The following RGL3 variants were observed in gnomAD, a reference collection of about 807,000 sequenced individuals.
The protein encoded by RGL3 is ral guanine nucleotide dissociation stimulator like 3.
A neutral mutation model predicts 90.6 loss-of-function variants in RGL3; 85 were observed. The ratio of observed to expected loss-of-function variants is 0.94; its 90% CI spans 0.79 to 1.12. RGL3 has a LOEUF of 1.12. RGL3 is among the 50% of genes most tolerant of loss of function. RGL3 has a pLI of 0.00. For synonymous variants in RGL3, 408 were observed against 385.5 expected, an observed-to-expected ratio of 1.06 and a Z score of -0.68; for missense variants, 1,034 against 939.2, an observed-to-expected ratio of 1.10 and a Z score of -1.32.
rs531725316 is a variant in RGL3, at chr19:11,405,703, T to C, written c.997-277A>G. ...ATGCATGGCTTATTATTATTATTATTATTAATTATTTGGACAGAGTCTCGC... is the reference window on the plus strand; with the variant it reads ...ATGCATGGCTTATTATTATTATTATCATTAATTATTTGGACAGAGTCTCGC... On this transcript the variant is annotated intron_variant, in intron 7 of 18. Coordinates refer to ENST00000380456, the MANE Select transcript of RGL3 (RefSeq NM_001035223.4). Among the ~76,000 whole-genome samples the C allele has an allele frequency of 1.2e-3, 176 of 148,748 alleles. 1 individual carries two copies. Among genetic ancestry groups the C allele is most frequent in the African/African-American group, 4.2e-3 (169 of 40,646 alleles).
intron 1 of RGL3, 107 bp from the exon 2 acceptor site, chr19:11,418,891 C>A: frequency 1.1e-6 from 1 of 877,304 alleles, no homozygotes; most frequent in South Asian, 1.8e-5. Context: ...ATCCCCACGC[C>A]CCTTCCCGGC....
At chr19:11,400,331 GC>G in intron 13 of RGL3, 34 bp from the exon 14 acceptor site, 1 of 1,522,902 alleles carries the variant, frequency 6.6e-7, no homozygotes, top group South Asian at 1.3e-5. Flanking sequence ...GGTGGTGGGG[GC>G]AGGAAATACA....
intron 18 of RGL3, among the ~76,000 whole-genome samples, chr19:11,396,152 A>G (rs1968565373): frequency 1.5e-5 from 1 of 66,916 alleles, no homozygotes; most frequent in African/African-American, 7.0e-5. Context: ...ATATATATAT[A>G]TATATATTTT....
chr19:11,399,943 G>A lies in RGL3; in HGVS notation c.1658C>T (p.Pro553Leu). The A allele has an allele frequency of 1.3e-6, 2 of 1,553,208 alleles. No homozygotes were observed. The highest frequency in any genetic ancestry group is 1.7e-6 in the Non-Finnish European group (2 of 1,156,852). The stretch of plus-strand genomic sequence containing the variant: ...TCTAGGACTTGAGGGGGGTGACCCT[G>A]GGGACACACTGGGGGAGATGCAGAG... ...DPSSPTSSVS[P>L]GSPPSSPRSR... is the part of the protein sequence containing the mutation. Residue 553 changes from proline (P) to leucine (L), a missense_variant, in exon 16 of 19, where the codon CCA (proline) becomes CTA (leucine). Coordinates refer to ENST00000380456, the MANE Select transcript of RGL3 (RefSeq NM_001035223.4).
rs769589453 is a variant in RGL3 at position 11,405,414 on chromosome 19, G to T, written c.1009C>A (p.Leu337Met). 6.5e-6 allele frequency: 10 copies of T among 1,541,666 alleles called. No homozygotes were observed. The highest frequency in any genetic ancestry group is 7.9e-6 in the Non-Finnish European group (9 of 1,137,608). Residue 337 changes from leucine to methionine, a missense_variant, in exon 8 of 19, where the codon CTG (leucine) becomes ATG (methionine). Physicochemically the swap from Leu to Met is conservative, Grantham distance 15 (BLOSUM62 2). Coordinates refer to ENST00000380456, the MANE Select transcript of RGL3 (RefSeq NM_001035223.4). ...GCGCGCAAGGAGGAGAAGTTCCGCA[G>T]TTCTCGGCAGCGCTGCCAGGCGGTG... ...WIRIAQRCRE[L>M]RNFSSLRAIL...
In RGL3 at chr19:11,416,072, G is replaced by A. The variant is rs770107594; in HGVS notation, c.502C>T (p.Leu168=). Residue 168 remains leucine, a synonymous_variant, in exon 5 of 19, where the codon CTG becomes TTG. Transcript: ENST00000380456. ...CCCAGAAAGGTTCGGACACTGCCCAGGTCCGAATGGGCAGGGTGGTCTCGG... is the reference window on the plus strand; with the variant it reads ...CCCAGAAAGGTTCGGACACTGCCCAAGTCCGAATGGGCAGGGTGGTCTCGG... ...DFRDHPAHSD[L]GSVRTFLGWA... The A allele has an allele frequency of 1.2e-6, 2 of 1,612,086 alleles. No homozygotes were observed. The highest frequency in any genetic ancestry group is 8.5e-7 in the Non-Finnish European group (1 of 1,179,452).
intron 5 of RGL3, among the ~76,000 whole-genome samples, chr19:11,409,308 G>A (rs926478966): frequency 3.3e-5 from 5 of 151,962 alleles, no homozygotes; most frequent in East Asian, 1.9e-4. Flanking sequence ...GTGAAACCCC[G>A]TCTCTACTAA....
At position 11,419,254 on chromosome 19, in the gene RGL3, G is replaced by C; in HGVS notation, c.25C>G (p.Leu9Val). The part of the protein sequence containing the change: MERTAGKE[L>V]ALAPLQDWGE... ...ATCCCTTGTCCCCTTACCAGGGCCAGCTCTTTGCCTGCTGTGCGCTCCATG... is the reference window on the plus strand; with the variant it reads ...ATCCCTTGTCCCCTTACCAGGGCCACCTCTTTGCCTGCTGTGCGCTCCATG... The change falls in exon 1 of 19, where the codon CTG becomes GTG. Residue 9 changes from leucine to valine, a missense_variant. Coordinates refer to ENST00000380456, the MANE Select transcript of RGL3 (RefSeq NM_001035223.4). The C allele has an allele frequency of 6.3e-7, 1 of 1,592,376 alleles. No individual in the cohort carries two copies. The highest frequency in any genetic ancestry group is 1.1e-5 in the South Asian group (1 of 88,956).
At chr19:11,414,465 A>T (rs1200335593) in intron 5 of RGL3, among the ~76,000 whole-genome samples, 3 of 40,768 alleles carry the variant, frequency 7.4e-5, no homozygotes, top group African/African-American at 1.2e-4. Flanking sequence ...ATATACCTTC[A>T]TATATATATA....
chr19:11,408,414 T>C (rs1199712883), intron 5 of RGL3, among the ~76,000 whole-genome samples: 1 of 151,974 alleles, frequency 6.6e-6, no homozygotes, highest in Non-Finnish European at 1.5e-5. Flanking sequence ...AAACCCCGTC[T>C]CTACTAAAAA....
intron 9 of RGL3, among the ~76,000 whole-genome samples, chr19:11,403,772 T>C (rs1272238769): frequency 6.6e-6 from 1 of 151,900 alleles, no homozygotes. Flanking sequence ...TTGTGGGTAG[T>C]GGCCCCCAGG....
chr19:11,416,222 T>A, intron 4 of RGL3, 74 bp from the exon 5 acceptor site: 3 of 1,001,546 alleles, frequency 3.0e-6, no homozygotes, highest in Non-Finnish European at 4.0e-6. Flanking sequence ...GTACCTTTTT[T>A]TTTTTTTTTT....
intron 18 of RGL3, among the ~76,000 whole-genome samples, chr19:11,396,662 CT>C (rs34889967): frequency 0.2 from 24,226 of 123,082 alleles, 3,923 homozygotes; most frequent in African/African-American, 0.47. Flanking sequence ...CGTGGACAGT[CT>C]TTTTTTTTTT....
chr19:11,397,288 C>T lies in RGL3; in HGVS notation c.1970G>A (p.Trp657Ter). 1 of 1,613,690 alleles carries T rather than the reference C, an allele frequency of 6.2e-7. No individual in the cohort carries two copies. The highest frequency in any genetic ancestry group is 8.5e-7 in the Non-Finnish European group (1 of 1,179,854). Reference sequence around the variant, plus strand: ...TTGAAAGAGCTGATAGTCACAGGCCCAGGGCTGGGGCACATTGTGCTTCTG... The same window carrying T: ...TTGAAAGAGCTGATAGTCACAGGCCTAGGGCTGGGGCACATTGTGCTTCTG... ...ALQKHNVPQP[W>*]ACDYQLFQVL... The change falls in exon 18 of 19, where the codon TGG becomes TAG. Residue 657 changes from tryptophan to a stop codon, truncating the protein, a stop_gained. Transcript: ENST00000380456. LOFTEE classifies it low-confidence loss of function (END_TRUNC).
Position 11,397,594 on chromosome 19 carries a change from G to T in RGL3, c.1750C>A (p.Pro584Thr). 1 of 1,549,116 alleles carries T rather than the reference G, an allele frequency of 6.5e-7. No individual in the cohort carries two copies. ...PGPQGPSTKL[P>T]LSLDLPSPRP... ...GGGCTGGGCAGGTCCAGGCTCAGGG[G>T]CAGCTGCAGGCAGTAAGGGGTGGAG... The change falls in exon 17 of 19, where the codon CCC (proline) becomes ACC (threonine). Residue 584 changes from proline (P) to threonine (T), a missense_variant. Pro to Thr is a conservative substitution (Grantham distance 38, BLOSUM62 -1). Coordinates refer to ENST00000380456, the MANE Select transcript of RGL3 (RefSeq NM_001035223.4).
Position 11,418,723 on chromosome 19 carries a change from C to T in RGL3, c.95G>A (p.Arg32Gln), listed in dbSNP as rs1473648092. The T allele has an allele frequency of 8.9e-6, 14 of 1,577,352 alleles. No individual in the cohort carries two copies. The highest frequency in any genetic ancestry group is 1.7e-4 in the Middle Eastern group (1 of 5,984). ...EDGAVYSVSL[R>Q]RQRSQRRSPA... Reference sequence around the variant, plus strand: ...GCTCCTGCGCTGACTGCGCTGCCGCCGCAGGGAGACACTGTACACCGCGCC... The same window carrying T: ...GCTCCTGCGCTGACTGCGCTGCCGCTGCAGGGAGACACTGTACACCGCGCC... The change falls in exon 2 of 19, where the codon CGG becomes CAG. Residue 32 changes from arginine (R) to glutamine (Q), a missense_variant. Arg to Gln is a conservative substitution (Grantham distance 43). Coordinates refer to ENST00000380456, the MANE Select transcript of RGL3 (RefSeq NM_001035223.4).
intron 18 of RGL3, among the ~76,000 whole-genome samples, chr19:11,397,000 T>C (rs394511): frequency 0.22 from 34,042 of 151,860 alleles, 7,195 homozygotes; most frequent in African/African-American, 0.56. Flanking sequence ...CTTTTAAATT[T>C]TAGGAAGATG....
intron 1 of RGL3, 132 bp from the exon 2 acceptor site, chr19:11,418,916 C>T: frequency 1.3e-6 from 1 of 754,378 alleles, no homozygotes. Context: ...AGCTGCGAGA[C>T]TAGGGCTGGG....
chr19:11,418,929 C>T (rs1969056049), intron 1 of RGL3, 145 bp from the exon 2 acceptor site: 1 of 687,770 alleles, frequency 1.5e-6, no homozygotes. Flanking sequence ...GGGCTGGGGT[C>T]CCAGGCTAGT....
Sources: allele counts gnomAD v4.1 joint callset (sites outside exome capture counted in the v4.1 genomes callset), GRCh38; gene constraint gnomAD v4.1.1; transcripts MANE v1.5; gene names NCBI Gene and HGNC (gene_info 2026-07-23, HGNC 2026-07-21).